The following INSC variants were observed in gnomAD, a reference collection of about 807,000 sequenced individuals.
INSC encodes INSC spindle orientation adaptor protein, also known as protein inscuteable homolog.
In INSC, 67 loss-of-function variants were observed where a neutral mutation model predicts 58.6. The observed-to-expected ratio is 1.14, with a 90% CI of 0.94 to 1.40. The LOEUF (loss-of-function observed/expected upper bound fraction) is 1.40, where lower values mean the gene tolerates loss of function less well. Ranked by LOEUF, INSC falls within the 40% of genes most tolerant of loss-of-function variation. The pLI, the probability that INSC is intolerant of heterozygous loss-of-function variation, is 0.00. For missense variants in INSC, 714 were observed against 692.0 expected, an observed-to-expected ratio of 1.03 and a Z score of -0.36; for synonymous variants, 262 against 276.1, an observed-to-expected ratio of 0.95 and a Z score of 0.51.
rs183351701 is a variant in INSC at position 15,241,995 on chromosome 11, G to T, written c.1470+1472G>T. On this transcript the variant is annotated intron_variant, in intron 12 of 12. Coordinates refer to ENST00000379556, the MANE Select transcript of INSC (RefSeq NM_001042536.3). ...AGGGTTTGTGAAGATGCCATGGTTTGTTGCTGCATTCACATTGCAACTGAA... is the reference window on the plus strand; with the variant it reads ...AGGGTTTGTGAAGATGCCATGGTTTTTTGCTGCATTCACATTGCAACTGAA... Among the ~76,000 whole-genome samples, 82 of 152,326 alleles carry T rather than the reference G, an allele frequency of 5.4e-4. No individual in the cohort carries two copies. In the Middle Eastern group the frequency reaches 0.01, roughly 19 times the overall value.
chr11:15,239,366 C>A (rs1418762950), intron 11 of INSC, among the ~76,000 whole-genome samples: 1 of 152,208 alleles, frequency 6.6e-6, no homozygotes, highest in African/African-American at 2.4e-5. Context: ...TTCATTTATT[C>A]ACTTGCTCAG....
intron 12 of INSC, among the ~76,000 whole-genome samples, chr11:15,240,976 TC>T (rs1288303613): frequency 6.6e-6 from 1 of 152,160 alleles, no homozygotes; most frequent in African/African-American, 2.4e-5. Context: ...AGCTCTCTCC[TC>T]CTTTGTGGAA....
chr11:15,245,929 G>A lies in INSC; in HGVS notation c.1488G>A (p.Leu496=). 6.2e-7 allele frequency: 1 copy of A among 1,614,158 alleles called. No homozygotes were observed. The highest frequency in any genetic ancestry group is 8.5e-7 in the Non-Finnish European group (1 of 1,179,980). The stretch of plus-strand genomic sequence containing the variant: ...CTCCCCAGGCTGCTCTGCGTAGATT[G>A]GCTGGGGTCTGCCCTGAAGGCCTCC... ...LVACLAALRR[L]AGVCPEGLQD... The change falls in exon 13 of 13, where the codon TTG becomes TTA. Residue 496 remains leucine, a synonymous_variant. Coordinates refer to ENST00000379556, the MANE Select transcript of INSC (RefSeq NM_001042536.3).
At chr11:15,155,019 T>C (rs532844236) in intron 2 of INSC, among the ~76,000 whole-genome samples, 16 of 152,188 alleles carry the variant, frequency 1.1e-4, no homozygotes, top group Non-Finnish European at 2.1e-4. Flanking sequence ...AGCCCCTTGG[T>C]ATAGCCAGGA....
chr11:15,127,065 G>A (rs1482861811), intron 1 of INSC, among the ~76,000 whole-genome samples: 8 of 152,232 alleles, frequency 5.3e-5, no homozygotes. Flanking sequence ...AGGTTTTGGT[G>A]TGGCAAGGGG....
At chr11:15,254,664 G>A in the INSC span, among the ~76,000 whole-genome samples, 1 of 152,142 alleles carries the variant, frequency 6.6e-6, no homozygotes, top group Admixed American at 6.5e-5. Flanking sequence ...AGCACCTAAT[G>A]GCAAGTGCTC....
the INSC span, among the ~76,000 whole-genome samples, chr11:15,255,736 ATG>A: frequency 6.6e-4 from 97 of 147,866 alleles, no homozygotes; most frequent in East Asian, 1.0e-3. Context: ...AAGTGTGTGT[ATG>A]TGTGTGTGTG....
intron 9 of INSC, among the ~76,000 whole-genome samples, chr11:15,228,097 G>A (rs749444153): frequency 2.6e-5 from 4 of 152,124 alleles, no homozygotes; most frequent in Non-Finnish European, 5.9e-5. Flanking sequence ...TAAACTCTTG[G>A]TACAGACTCT....
chr11:15,246,756 C>T lies in INSC; in HGVS notation c.*716C>T, dbSNP rs556506246. 5.9e-5 allele frequency: 9 copies of T among 152,316 alleles called. No homozygotes were observed. In the South Asian group the frequency reaches 1.7e-3, roughly 28 times the overall value. The allele number at this position is 152,316 out of a possible 1,614,324, so 9.4% of individuals were successfully genotyped here. On this transcript the variant is annotated 3_prime_UTR_variant, in exon 13 of 13. Transcript: ENST00000379556. ...CTTTGGCTTCTTTGCTTTTGTGTAA[C>T]CTCCTGTTCACCTCCTGGTGAATAG... is the stretch of plus-strand genomic sequence containing the variant.
In INSC at chr11:15,225,818, C is replaced by A. The variant is rs1284327650; in HGVS notation, c.1160C>A (p.Thr387Asn). 1 of 1,612,606 alleles carries A rather than the reference C, an allele frequency of 6.2e-7. No homozygotes were observed. The highest frequency in any genetic ancestry group is 8.5e-7 in the Non-Finnish European group (1 of 1,179,318). Reference sequence around the variant, plus strand: ...AAGCAGAGAGTGGACACGCCTTACACTCGGGACCAGGTAAGACGCCCAGAA... The same window carrying A: ...AAGCAGAGAGTGGACACGCCTTACAATCGGGACCAGGTAAGACGCCCAGAA... ...SDKQRVDTPY[T>N]RDQIVTILAN... is the part of the protein sequence containing the mutation. Residue 387 changes from threonine (T) to asparagine (N), a missense_variant, in exon 9 of 13, where the codon ACT becomes AAT. By Grantham distance (65) the Thr-to-Asn change is moderately conservative. Coordinates refer to ENST00000379556, the MANE Select transcript of INSC (RefSeq NM_001042536.3).
intron 1 of INSC, among the ~76,000 whole-genome samples, chr11:15,147,608 A>G (rs1458793098): frequency 1.3e-5 from 2 of 152,204 alleles, no homozygotes; most frequent in East Asian, 1.9e-4. Context: ...TATTCTTTCA[A>G]CAGACGTGTA....
At chr11:15,130,815 G>A (rs1342006734) in intron 1 of INSC, among the ~76,000 whole-genome samples, 2 of 151,958 alleles carry the variant, frequency 1.3e-5, no homozygotes, top group South Asian at 4.1e-4. Context: ...ACTTATTTAT[G>A]TTTTCAATGA....
chr11:15,235,601 G>A lies in INSC; in HGVS notation c.1171-1G>A. On this transcript the variant is annotated splice_acceptor_variant, in intron 9 of 12. Coordinates refer to ENST00000379556, the MANE Select transcript of INSC (RefSeq NM_001042536.3). LOFTEE classifies it high-confidence loss of function. ...TGAGGTTTCTAAATTATCTTTTCCA[G>A]ATTGTGACCATCTTGGCAAACATGT... The A allele has an allele frequency of 6.2e-7, 1 of 1,613,256 alleles. No homozygotes were observed. The highest frequency in any genetic ancestry group is 8.5e-7 in the Non-Finnish European group (1 of 1,179,196).
At chr11:15,160,339 T>C (rs1848974458) in intron 2 of INSC, among the ~76,000 whole-genome samples, 1 of 151,998 alleles carries the variant, frequency 6.6e-6, no homozygotes, top group Non-Finnish European at 1.5e-5. Flanking sequence ...AGGCTGGAAG[T>C]CACAGTAGCA....
At chr11:15,142,188 C>T (rs1808889850) in intron 1 of INSC, among the ~76,000 whole-genome samples, 1 of 152,212 alleles carries the variant, frequency 6.6e-6, no homozygotes, top group Admixed American at 6.5e-5. Context: ...TCCCTCCCTC[C>T]ATTTGAGGGC....
At chr11:15,262,444 C>T in the INSC span, among the ~76,000 whole-genome samples, 17 of 151,972 alleles carry the variant, frequency 1.1e-4, no homozygotes, top group Admixed American at 3.3e-4. Flanking sequence ...ATACTGAGTC[C>T]GAAGAGAAGC....
At chr11:15,180,241 G>A (rs1849719963) in intron 5 of INSC, among the ~76,000 whole-genome samples, 1 of 152,052 alleles carries the variant, frequency 6.6e-6, no homozygotes, top group Non-Finnish European at 1.5e-5. Flanking sequence ...CTGGGCAACA[G>A]AGTGAGACTC....
downstream of INSC, among the ~76,000 whole-genome samples, chr11:15,249,951 T>TG (rs1387451078): frequency 6.6e-6 from 1 of 152,172 alleles, no homozygotes; most frequent in East Asian, 1.9e-4. Flanking sequence ...CAGGTTGGAA[T>TG]GGGGGGTGGC....
chr11:15,137,526 T>C (rs1848274082), intron 1 of INSC, among the ~76,000 whole-genome samples: 1 of 152,246 alleles, frequency 6.6e-6, no homozygotes, highest in South Asian at 2.1e-4. Context: ...CTGGATAACT[T>C]GCTGCACTTC....
Sources: allele counts gnomAD v4.1 joint callset (sites outside exome capture counted in the v4.1 genomes callset), GRCh38; gene constraint gnomAD v4.1.1; transcripts MANE v1.5; gene names NCBI Gene and HGNC (gene_info 2026-07-23, HGNC 2026-07-21).